FSIP1: variants seen among roughly 807,000 people sequenced by gnomAD.
FSIP1 encodes the protein fibrous sheath interacting protein 1.
A neutral mutation model predicts 60.9 loss-of-function variants in FSIP1; 65 were observed. The observed-to-expected ratio is 1.07, with a 90% CI of 0.87 to 1.31. The LOEUF is 1.31. FSIP1 is among the 40% of genes most tolerant of loss of function. The pLI is 0.00. For missense variants in FSIP1, 675 were observed against 665.5 expected, an observed-to-expected ratio of 1.01 and a Z score of -0.16; for synonymous variants, 209 against 221.2, an observed-to-expected ratio of 0.94 and a Z score of 0.49.
At chr15:39,774,368 G>T (rs776034843) in intron 2 of FSIP1, among the ~76,000 whole-genome samples, 1 of 151,914 alleles carries the variant, frequency 6.6e-6, no homozygotes, top group Non-Finnish European at 1.5e-5. Flanking sequence ...CTGTAGCCCC[G>T]GCTATTCGGG....
At chr15:39,759,554 T>C (rs895175617) in intron 5 of FSIP1, among the ~76,000 whole-genome samples, 32 of 152,214 alleles carry the variant, frequency 2.1e-4, no homozygotes, top group Non-Finnish European at 2.6e-4. Context: ...AGTATTTCTC[T>C]TCTAGGAATG....
At chr15:39,713,392 A>G in intron 10 of FSIP1, 52 bp downstream of exon 10, 1 of 1,523,532 alleles carries the variant, frequency 6.6e-7, no homozygotes, top group Non-Finnish European at 8.8e-7. Flanking sequence ...CATAGTGAGA[A>G]CCTGCCTCTA....
rs990528872 is a variant in FSIP1 at position 39,649,694 on chromosome 15, C to T, written c.1189-31449G>A. 4.5e-4 allele frequency among the ~76,000 whole-genome samples: 69 copies of T among 152,312 alleles called. 1 individual carries two copies. The highest frequency in any genetic ancestry group is 3.1e-3 in the Admixed American group (47 of 15,294). On this transcript the variant is annotated intron_variant, in intron 10 of 11. Transcript: ENST00000350221. ...CTATTCTTCCCAGACACTTTTTCTACTCTGCCGTCGTCCTCTGCCCAGGAA... is the reference window on the plus strand; with the variant it reads ...CTATTCTTCCCAGACACTTTTTCTATTCTGCCGTCGTCCTCTGCCCAGGAA...
chr15:39,637,410 C>T lies in FSIP1; in HGVS notation c.1189-19165G>A, dbSNP rs544291094. Among the ~76,000 whole-genome samples, 87 of 152,298 alleles carry T rather than the reference C, an allele frequency of 5.7e-4. 1 individual carries two copies. Among genetic ancestry groups the T allele is most frequent in the African/African-American group, 1.9e-3 (79 of 41,554 alleles). ...ACAACAGTAGGCTACCCAATCACAA[C>T]CAAAATCATGCCACAGAATTTAAGG... On this transcript the variant is annotated intron_variant, in intron 10 of 11. Transcript: ENST00000350221.
At chr15:39,602,317 A>T (rs1890670684) in intron 11 of FSIP1, 7 of 456,216 alleles carry the variant, frequency 1.5e-5, no homozygotes, top group Non-Finnish European at 3.1e-5. Flanking sequence ...AGCTGGAAGA[A>T]GCATGGAAGC....
chr15:39,656,825 C>T (rs1199929659), intron 10 of FSIP1, among the ~76,000 whole-genome samples: 2 of 152,144 alleles, frequency 1.3e-5, no homozygotes, highest in Non-Finnish European at 2.9e-5. Flanking sequence ...AAGAACAAGA[C>T]AATCATTTAT....
intron 8 of FSIP1, among the ~76,000 whole-genome samples, chr15:39,727,071 T>C (rs1896228766): frequency 6.6e-6 from 1 of 152,244 alleles, no homozygotes; most frequent in African/African-American, 2.4e-5. Flanking sequence ...TTTTGTGACA[T>C]GTTAAGTAGG....
chr15:39,674,100 G>A (rs1056663156), intron 10 of FSIP1, among the ~76,000 whole-genome samples: 5 of 151,454 alleles, frequency 3.3e-5, no homozygotes, highest in East Asian at 1.9e-4. Context: ...TGTCGCCCAG[G>A]CTGGAGTGCA....
At position 39,626,192 on chromosome 15, in the gene FSIP1, G is replaced by C. The variant is rs117603417; in HGVS notation, c.1189-7947C>G. On this transcript the variant is annotated intron_variant, in intron 10 of 11. Transcript: ENST00000350221. ...CTAAAGAACTTATGTATGCCCACAGGAGTCTCTAGAACTTTAAATACTTTG... is the reference window on the plus strand; with the variant it reads ...CTAAAGAACTTATGTATGCCCACAGCAGTCTCTAGAACTTTAAATACTTTG... 4.9e-3 allele frequency among the ~76,000 whole-genome samples: 747 copies of C among 152,256 alleles called. 4 individuals are homozygous for C. The highest frequency in any genetic ancestry group is 7.1e-3 in the Non-Finnish European group (481 of 68,010).
At chr15:39,692,752 A>G (rs941228761) in intron 10 of FSIP1, among the ~76,000 whole-genome samples, 8 of 152,034 alleles carry the variant, frequency 5.3e-5, no homozygotes, top group African/African-American at 1.2e-4. Context: ...GTTTAAAAAA[A>G]AAAGAAAGAA....
At chr15:39,675,214 A>G (rs1023810992) in intron 10 of FSIP1, among the ~76,000 whole-genome samples, 9 of 152,200 alleles carry the variant, frequency 5.9e-5, no homozygotes, top group African/African-American at 1.9e-4. Flanking sequence ...GATTTCTTAA[A>G]TATTGCTGGT....
At chr15:39,656,357 C>T (rs538688384) in intron 10 of FSIP1, among the ~76,000 whole-genome samples, 120 of 152,280 alleles carry the variant, frequency 7.9e-4, no homozygotes, top group Non-Finnish European at 6.6e-4. Flanking sequence ...ATACCTATAG[C>T]GCCAATGAAA....
At chr15:39,601,042 ACT>A in intron 11 of FSIP1, 116 bp from the exon 12 acceptor site, 1 of 751,268 alleles carries the variant, frequency 1.3e-6, no homozygotes, top group South Asian at 1.9e-5. Context: ...CAATAATCAC[ACT>A]CTCATTTAAT....
chr15:39,761,485 C>T (rs915658033), intron 5 of FSIP1, among the ~76,000 whole-genome samples: 4 of 152,118 alleles, frequency 2.6e-5, no homozygotes, highest in Non-Finnish European at 4.4e-5. Flanking sequence ...AAGACAAATA[C>T]TACATGTTCC....
intron 9 of FSIP1, among the ~76,000 whole-genome samples, chr15:39,723,893 T>C (rs1314856983): frequency 6.6e-6 from 1 of 152,278 alleles, no homozygotes; most frequent in Non-Finnish European, 1.5e-5. Flanking sequence ...TTAGCATTCC[T>C]GCTTTGAAAA....
At chr15:39,668,367 A>C (rs76285517) in intron 10 of FSIP1, among the ~76,000 whole-genome samples, 2,419 of 152,278 alleles carry the variant, frequency 0.016, 52 homozygotes, top group African/African-American at 0.055. Flanking sequence ...CAATTTCTCC[A>C]GAACAAAAAT....
intron 10 of FSIP1, among the ~76,000 whole-genome samples, chr15:39,639,198 G>A (rs1305643770): frequency 1.3e-5 from 2 of 152,220 alleles, no homozygotes; most frequent in East Asian, 1.9e-4. Flanking sequence ...TGAGGCTACA[G>A]AGATAGTGGT....
chr15:39,772,395 C>T (rs139487454), intron 2 of FSIP1, among the ~76,000 whole-genome samples: 2,275 of 151,980 alleles, frequency 0.015, 71 homozygotes, highest in African/African-American at 0.053. Context: ...TGGGCTCAAG[C>T]GATCCTCCCA....
intron 10 of FSIP1, among the ~76,000 whole-genome samples, chr15:39,672,829 CAAGCTAGAAGCCTCAT>C (rs1566879021): frequency 2.6e-5 from 4 of 152,172 alleles, no homozygotes; most frequent in Non-Finnish European, 5.9e-5. Flanking sequence ...GTCCTCCCAA[CAAGCTAGAAGCCTCAT>C]ACAAAACCAC....
Sources: allele counts gnomAD v4.1 joint callset (sites outside exome capture counted in the v4.1 genomes callset), GRCh38; gene constraint gnomAD v4.1.1; transcripts MANE v1.5; gene names NCBI Gene and HGNC (gene_info 2026-07-23, HGNC 2026-07-21).